Variants in GPC5 observed in about 807,000 individuals in gnomAD.
GPC5 encodes the protein glypican 5, also known as glypican-5.
Under a neutral mutation model 53.9 loss-of-function variants are expected in GPC5, and 47 were observed. That is an observed-to-expected ratio of 0.87 (90% CI 0.69 to 1.11). The LOEUF (loss-of-function observed/expected upper bound fraction) is 1.11. GPC5 is among the 50% of genes most tolerant of loss of function. The probability of loss-of-function intolerance (pLI) is 0.00; values close to 1 mark genes in which losing one functional copy is unlikely to be tolerated. For synonymous variants in GPC5, 286 were observed against 263.3 expected (o/e 1.09, Z -0.84); for missense variants, 748 against 713.1 (o/e 1.05, Z -0.56).
intron 4 of GPC5, among the ~76,000 whole-genome samples, chr13:91,749,036 T>A (rs1300283139): frequency 6.6e-6 from 1 of 152,100 alleles, no homozygotes; most frequent in East Asian, 1.9e-4. Context: ...TGTTTCTTAT[T>A]TTTTTAATTT....
chr13:91,772,525 T>C (rs1002091148), intron 5 of GPC5, among the ~76,000 whole-genome samples: 4 of 152,192 alleles, frequency 2.6e-5, no homozygotes, highest in African/African-American at 9.6e-5. Context: ...AGAACTCTAC[T>C]CTTCCCTTAT....
chr13:92,674,886 T>C (rs1230981826), intron 7 of GPC5, among the ~76,000 whole-genome samples: 2 of 150,806 alleles, frequency 1.3e-5, no homozygotes, highest in African/African-American at 4.9e-5. Context: ...AATCAAAATA[T>C]AGAAAAAAAG....
At chr13:91,932,303 A>G (rs1420144665) in intron 6 of GPC5, among the ~76,000 whole-genome samples, 1 of 152,060 alleles carries the variant, frequency 6.6e-6, no homozygotes, top group African/African-American at 2.4e-5. Context: ...CCAAAATTTC[A>G]TTTCTAAATG....
At chr13:91,529,322 C>T (rs1446449912) in intron 2 of GPC5, among the ~76,000 whole-genome samples, 1 of 152,082 alleles carries the variant, frequency 6.6e-6, no homozygotes, top group East Asian at 1.9e-4. Flanking sequence ...CAAATATATA[C>T]CCCATATTTT....
At chr13:92,171,376 C>G (rs2042069515) in intron 7 of GPC5, among the ~76,000 whole-genome samples, 2 of 151,676 alleles carry the variant, frequency 1.3e-5, no homozygotes. Flanking sequence ...ATATACTACA[C>G]ACACACACCC....
intron 7 of GPC5, among the ~76,000 whole-genome samples, chr13:92,780,132 C>T (rs898571981): frequency 6.6e-6 from 1 of 151,908 alleles, no homozygotes; most frequent in Non-Finnish European, 1.5e-5. Context: ...TTGAATTTTA[C>T]ATTTTGGAAA....
chr13:91,712,342 G>A (rs1016182799), intron 3 of GPC5, among the ~76,000 whole-genome samples: 3 of 151,520 alleles, frequency 2.0e-5, no homozygotes, highest in African/African-American at 7.3e-5. Flanking sequence ...ATATATATGT[G>A]TGTGTGTGTA....
chr13:92,294,786 T>C (rs2043021740), intron 7 of GPC5, among the ~76,000 whole-genome samples: 1 of 151,646 alleles, frequency 6.6e-6, no homozygotes, highest in Admixed American at 6.6e-5. Flanking sequence ...GGTGTGACCT[T>C]AGATTATCTG....
At chr13:92,663,709 T>C (rs1244073073) in intron 7 of GPC5, among the ~76,000 whole-genome samples, 1 of 137,118 alleles carries the variant, frequency 7.3e-6, no homozygotes, top group Non-Finnish European at 1.6e-5. Context: ...ATTATATATC[T>C]ACTATATATA....
intron 7 of GPC5, chr13:92,239,932 A>G (rs1195849800): frequency 6.6e-6 from 1 of 152,124 alleles, no homozygotes; most frequent in East Asian, 1.9e-4. Context: ...TTATATATAT[A>G]AGAAACACAT....
rs1278722414 is a variant in GPC5 at position 92,703,060 on chromosome 13, T to TTATA, written c.1562-163219_1562-163218insATAT. 4.2e-5 allele frequency among the ~76,000 whole-genome samples: 6 copies of TTATA among 141,858 alleles called. No homozygotes were observed. The South Asian group carries it at 1.3e-3, about 30-fold the overall frequency. The allele number at this position is 141,858 out of a possible 152,430, so 93.1% of individuals were successfully genotyped here. On this transcript the variant is annotated intron_variant, in intron 7 of 7. Coordinates refer to ENST00000377067, the MANE Select transcript of GPC5 (RefSeq NM_004466.6). ...ATACCTGGCATATATATATATTTATTTATTTATTTATTTATTTATTTATTT... is the reference window on the plus strand; with the variant it reads ...ATACCTGGCATATATATATATTTATTTATATATTTATTTATTTATTTATTTATTT...
intron 2 of GPC5, among the ~76,000 whole-genome samples, chr13:91,476,237 C>T (rs1489923954): frequency 1.3e-5 from 2 of 152,174 alleles, no homozygotes; most frequent in Non-Finnish European, 2.9e-5. Flanking sequence ...TCTCCAGACA[C>T]TGCTAAATGT....
intron 2 of GPC5, among the ~76,000 whole-genome samples, chr13:91,540,004 G>A (rs1316102131): frequency 6.6e-6 from 1 of 152,176 alleles, no homozygotes; most frequent in African/African-American, 2.4e-5. Flanking sequence ...TTAACATAGA[G>A]GCACTAATAA....
At chr13:92,149,319 CAGTTCATAAAGCATTTCCCAGTGTA>C (rs2138990333) in intron 7 of GPC5, among the ~76,000 whole-genome samples, 1 of 152,156 alleles carries the variant, frequency 6.6e-6, no homozygotes, top group African/African-American at 2.4e-5. Flanking sequence ...TAGCACTATC[CAGTTCATAAAGCATTTCCCAGTGTA>C]ATACCTTAGG....
At chr13:91,842,558 C>G (rs375192316) in intron 5 of GPC5, among the ~76,000 whole-genome samples, 1 of 149,928 alleles carries the variant, frequency 6.7e-6, no homozygotes, top group African/African-American at 2.5e-5. Context: ...AAAAATTAGC[C>G]GGGCGTGTTG....
chr13:91,489,603 T>G (rs1255532637), intron 2 of GPC5, among the ~76,000 whole-genome samples: 3 of 152,218 alleles, frequency 2.0e-5, no homozygotes, highest in Admixed American at 2.0e-4. Flanking sequence ...ATTCACATTA[T>G]TTTACAGGCT....
At chr13:91,565,084 G>A (rs569544514) in intron 2 of GPC5, among the ~76,000 whole-genome samples, 17 of 151,954 alleles carry the variant, frequency 1.1e-4, no homozygotes, top group Non-Finnish European at 2.5e-4. Flanking sequence ...CTACCTCCTG[G>A]GTTCAAGCAA....
rs149550199 is a variant in GPC5, at chr13:92,746,271, T to C, written c.1562-120011T>C. On this transcript the variant is annotated intron_variant, in intron 7 of 7. Coordinates refer to ENST00000377067, the MANE Select transcript of GPC5 (RefSeq NM_004466.6). Reference sequence around the variant, plus strand: ...TTAAAAATTTTAATTATTAAATCATTTCTGGCTTCAGTCTTTCTGCAAAGC... The same window carrying C: ...TTAAAAATTTTAATTATTAAATCATCTCTGGCTTCAGTCTTTCTGCAAAGC... Among the ~76,000 whole-genome samples, 949 of 152,252 alleles carry C rather than the reference T, an allele frequency of 6.2e-3. 12 individuals are homozygous for C. The highest frequency in any genetic ancestry group is 0.022 in the African/African-American group (902 of 41,564).
chr13:91,935,460 A>G (rs931520048), intron 6 of GPC5, among the ~76,000 whole-genome samples: 2 of 152,016 alleles, frequency 1.3e-5, no homozygotes, highest in African/African-American at 4.8e-5. Flanking sequence ...AAAGCATTGT[A>G]TATGAAGCAG....
Sources: gnomAD v4.1 joint callset for allele counts (sites outside exome capture counted in the v4.1 genomes callset) on GRCh38, gnomAD v4.1.1 for gene constraint, MANE v1.5 for transcripts, NCBI Gene and HGNC (gene_info 2026-07-23, HGNC 2026-07-21) for gene names.